ARID5B: variants seen among roughly 807,000 people sequenced by gnomAD.
ARID5B encodes the protein AT-rich interactive domain-containing protein 5B.
ARID5B carries 13 observed loss-of-function variants against 97.2 expected under a neutral mutation model. The ratio of observed to expected loss-of-function variants is 0.13; its 90% CI spans 0.09 to 0.21. The LOEUF (loss-of-function observed/expected upper bound fraction) is 0.21. Among genes scored for constraint, ARID5B ranks in the 10% least tolerant of loss-of-function variants. The probability of loss-of-function intolerance (pLI) is 1.00; values close to 1 mark genes in which losing one functional copy is unlikely to be tolerated. For synonymous variants in ARID5B, 556 were observed against 570.3 expected, an observed-to-expected ratio of 0.97 and a Z score of 0.36; for missense variants, 1,210 against 1,465.3, an observed-to-expected ratio of 0.83 and a Z score of 2.84.
intron 4 of ARID5B, among the ~76,000 whole-genome samples, chr10:62,047,443 G>GT (rs1481346933): frequency 2.6e-5 from 4 of 152,032 alleles, no homozygotes; most frequent in East Asian, 1.9e-4. Flanking sequence ...GCTTTGCACT[G>GT]TTTTTTTTCT....
intron 3 of ARID5B, among the ~76,000 whole-genome samples, chr10:61,967,395 C>T (rs772958443): frequency 1.3e-5 from 2 of 152,180 alleles, no homozygotes; most frequent in East Asian, 3.8e-4. Context: ...TTTAATTGAT[C>T]CATTGGCCGT....
chr10:62,015,030 A>G (rs958397640), intron 4 of ARID5B, among the ~76,000 whole-genome samples: 10 of 152,218 alleles, frequency 6.6e-5, no homozygotes, highest in African/African-American at 2.2e-4. Flanking sequence ...ATTAATTAGA[A>G]CAACTCATTT....
intron 2 of ARID5B, among the ~76,000 whole-genome samples, chr10:61,918,886 T>C (rs986138082): frequency 5.9e-5 from 9 of 152,152 alleles, no homozygotes; most frequent in African/African-American, 2.2e-4. Flanking sequence ...ACACAAAGAT[T>C]AACTGGGTGT....
At chr10:62,050,002 A>G (rs923237999) in intron 4 of ARID5B, among the ~76,000 whole-genome samples, 5 of 152,196 alleles carry the variant, frequency 3.3e-5, no homozygotes, top group Non-Finnish European at 5.9e-5. Flanking sequence ...TGGGTGACTG[A>G]TGAAGTTAAA....
chr10:62,009,269 A>C (rs1199134256), intron 4 of ARID5B, among the ~76,000 whole-genome samples: 1 of 152,096 alleles, frequency 6.6e-6, no homozygotes, highest in East Asian at 1.9e-4. Context: ...GCCATCTTGG[A>C]GGACTAAGGA....
chr10:62,066,561 C>T (rs1839991995), intron 7 of ARID5B, among the ~76,000 whole-genome samples: 1 of 152,166 alleles, frequency 6.6e-6, no homozygotes, highest in African/African-American at 2.4e-5. Flanking sequence ...TTACTAAGTG[C>T]TAGGGGGCTG....
At chr10:62,024,526 C>T (rs1300107348) in intron 4 of ARID5B, 11 of 357,096 alleles carry the variant, frequency 3.1e-5, no homozygotes, top group East Asian at 7.7e-5. Flanking sequence ...GATCATACCT[C>T]GGGACTTTAT....
chr10:62,037,020 G>A (rs564006425), intron 4 of ARID5B, among the ~76,000 whole-genome samples: 22 of 152,270 alleles, frequency 1.4e-4, no homozygotes, highest in African/African-American at 4.8e-4. Flanking sequence ...GCCAAGAACC[G>A]CTTTCCACAA....
intron 2 of ARID5B, among the ~76,000 whole-genome samples, chr10:61,909,699 C>T (rs1302294548): frequency 6.6e-6 from 1 of 152,144 alleles, no homozygotes; most frequent in Non-Finnish European, 1.5e-5. Flanking sequence ...CTTTTTTAAG[C>T]TTTACCCAGT....
chr10:61,983,447 A>G (rs1467076174), intron 3 of ARID5B, among the ~76,000 whole-genome samples: 1 of 152,216 alleles, frequency 6.6e-6, no homozygotes, highest in African/African-American at 2.4e-5. Context: ...GCTGGCGTTC[A>G]GAGACTGTTG....
At chr10:61,938,683 C>T (rs1844346480) in intron 2 of ARID5B, among the ~76,000 whole-genome samples, 1 of 152,100 alleles carries the variant, frequency 6.6e-6, no homozygotes, top group African/African-American at 2.4e-5. Context: ...ACGATAGAAA[C>T]ACAGTTTCCA....
chr10:62,079,831 T>C (rs1840187635), intron 8 of ARID5B, among the ~76,000 whole-genome samples: 2 of 152,200 alleles, frequency 1.3e-5, no homozygotes, highest in African/African-American at 4.8e-5. Context: ...CTGCTGCCCA[T>C]TGAGTAGGTA....
rs1277861699 is a variant in ARID5B at position 62,000,824 on chromosome 10, A to T, written c.733+503A>T. On this transcript the variant is annotated intron_variant, in intron 4 of 9. Coordinates refer to ENST00000279873, the MANE Select transcript of ARID5B (RefSeq NM_032199.3). The surrounding 1 kb of genome is among the most constrained non-coding windows in gnomAD (Gnocchi z 4.4). ...AGTACTGTACAGTAGATAGACACGTAGAGAGATGATAGATAGATAGATAGA... is the reference window on the plus strand; with the variant it reads ...AGTACTGTACAGTAGATAGACACGTTGAGAGATGATAGATAGATAGATAGA... Among the ~76,000 whole-genome samples the T allele has an allele frequency of 7.3e-6, 1 of 137,584 alleles. No homozygotes were observed. Among genetic ancestry groups the T allele is most frequent in the African/African-American group, 2.8e-5 (1 of 35,696 alleles). 90.3% of individuals were successfully genotyped at this position (137,584 alleles called of 152,430 possible).
chr10:62,066,504 A>G (rs1448645563), intron 7 of ARID5B, among the ~76,000 whole-genome samples: 1 of 152,150 alleles, frequency 6.6e-6, no homozygotes, highest in Non-Finnish European at 1.5e-5. Flanking sequence ...ACCTGTCTTC[A>G]CTCCAGATGA....
chr10:62,010,927 T>C (rs1006316972), intron 4 of ARID5B, among the ~76,000 whole-genome samples: 4 of 152,200 alleles, frequency 2.6e-5, no homozygotes, highest in Non-Finnish European at 2.9e-5. Flanking sequence ...TAAATGTGGC[T>C]CTATGGGTCA....
At chr10:62,038,430 G>T (rs1244384637) in intron 4 of ARID5B, among the ~76,000 whole-genome samples, 2 of 150,884 alleles carry the variant, frequency 1.3e-5, no homozygotes. Flanking sequence ...GAATTATTCA[G>T]ACTTCTTTCC....
intron 4 of ARID5B, among the ~76,000 whole-genome samples, chr10:62,043,734 G>C (rs752971569): frequency 3.3e-5 from 5 of 152,226 alleles, no homozygotes; most frequent in African/African-American, 4.8e-5. Flanking sequence ...AAATAGCTAT[G>C]CAAATCACAT....
chr10:61,942,243 C>T (rs1844423071), intron 3 of ARID5B, among the ~76,000 whole-genome samples: 1 of 151,958 alleles, frequency 6.6e-6, no homozygotes, highest in Non-Finnish European at 1.5e-5. Flanking sequence ...AAAGGTTGAT[C>T]CTCTTGGATT....
intron 3 of ARID5B, among the ~76,000 whole-genome samples, chr10:61,981,168 T>C (rs950874587): frequency 6.6e-6 from 1 of 152,188 alleles, no homozygotes. Flanking sequence ...AGTGATGAAA[T>C]ACACATCAAG....
Sources: gnomAD v4.1 joint callset for allele counts (sites outside exome capture counted in the v4.1 genomes callset) on GRCh38, gnomAD v4.1.1 for gene constraint, Gnocchi (gnomAD v3.1) non-coding constraint, MANE v1.5 for transcripts, NCBI Gene and HGNC (gene_info 2026-07-23, HGNC 2026-07-21) for gene names.